DMBX1: variants seen among roughly 807,000 people sequenced by gnomAD.
DMBX1 encodes the protein diencephalon/mesencephalon homeobox 1, also known as diencephalon/mesencephalon homeobox protein 1.
In DMBX1, 7 loss-of-function variants were observed where a neutral mutation model predicts 30.4. That is an observed-to-expected ratio of 0.23 (90% CI 0.13 to 0.43). The LOEUF is 0.43. DMBX1 is among the 20% of genes least tolerant of loss of function. The pLI is 1.00. For missense variants in DMBX1, 460 were observed against 508.5 expected (o/e 0.90, Z 0.92); for synonymous variants, 222 against 214.2 (o/e 1.04, Z -0.32).
chr1:46,490,301 GGA>G (rs1471084466), intron 1 of DMBX1, among the ~76,000 whole-genome samples: 1 of 152,254 alleles, frequency 6.6e-6, no homozygotes, highest in East Asian at 1.9e-4. Context: ...AGGCACCCGC[GGA>G]GAACGCTTCG....
chr1:46,514,469 G>A lies in DMBX1; in HGVS notation c.*1975G>A, dbSNP rs1008731511. 6.6e-6 allele frequency among the ~76,000 whole-genome samples: 1 copy of A among 152,208 alleles called. No individual in the cohort carries two copies. The highest frequency in any genetic ancestry group is 2.4e-5 in the African/African-American group (1 of 41,462). On this transcript the variant is annotated 3_prime_UTR_variant, in exon 6 of 6. Coordinates refer to ENST00000360032, the MANE Select transcript of DMBX1 (RefSeq NM_172225.2). ...GGGTGTTGTACACACAAGCCTCACTGTAGACACTGCCTCAGTTTCCCCATA... is the reference window on the plus strand; with the variant it reads ...GGGTGTTGTACACACAAGCCTCACTATAGACACTGCCTCAGTTTCCCCATA...
In DMBX1 at chr1:46,510,374, C is replaced by T. The variant is rs1379033811; in HGVS notation, c.155-102C>T. 3 of 1,412,472 alleles carry T rather than the reference C, an allele frequency of 2.1e-6. No individual in the cohort carries two copies. Among genetic ancestry groups the T allele is most frequent in the Non-Finnish European group, 1.9e-6 (2 of 1,057,484 alleles). The allele number at this position is 1,412,472 out of a possible 1,614,324, so 87.5% of individuals were successfully genotyped here. ...GGACCAGGGCCAGCTCTGGCAGCAG[C>T]CTGGGTGTCCACAGTGGGTCAGAGC... On this transcript the variant is annotated intron_variant, in intron 3 of 5. Coordinates refer to ENST00000360032, the MANE Select transcript of DMBX1 (RefSeq NM_172225.2). This position sits in a 1 kb window ranked among gnomAD's most constrained non-coding sequence, Gnocchi z 4.1.
At chr1:46,490,251 G>C (rs1478190255) in intron 1 of DMBX1, among the ~76,000 whole-genome samples, 1 of 152,228 alleles carries the variant, frequency 6.6e-6, no homozygotes, top group Non-Finnish European at 1.5e-5. Flanking sequence ...GGGTAGAAAC[G>C]CGCCGAGGCG....
intron 2 of DMBX1, among the ~76,000 whole-genome samples, chr1:46,499,016 C>A (rs1666074089): frequency 6.6e-6 from 1 of 152,028 alleles, no homozygotes; most frequent in Non-Finnish European, 1.5e-5. Flanking sequence ...AACATGCATA[C>A]CAGAGGGAAT....
At chr1:46,507,760 A>G (rs1055090355) in intron 3 of DMBX1, among the ~76,000 whole-genome samples, 7 of 152,162 alleles carry the variant, frequency 4.6e-5, no homozygotes, top group African/African-American at 1.7e-4. Context: ...TGAGCTTTGG[A>G]GTCCTAGACT....
chr1:46,511,834 C>T (rs1470553588), intron 5 of DMBX1, among the ~76,000 whole-genome samples: 2 of 152,166 alleles, frequency 1.3e-5, no homozygotes, highest in Non-Finnish European at 2.9e-5. Flanking sequence ...GGCAGGGTCC[C>T]TGGAGCTTTC....
chr1:46,501,365 C>A (rs538758170), intron 2 of DMBX1, among the ~76,000 whole-genome samples: 2 of 151,786 alleles, frequency 1.3e-5, no homozygotes, highest in South Asian at 4.2e-4. Context: ...ACTGCAACCT[C>A]CACCTTCCGG....
intron 2 of DMBX1, among the ~76,000 whole-genome samples, chr1:46,505,263 G>T (rs1160229410): frequency 4.8e-5 from 7 of 144,514 alleles, no homozygotes; most frequent in Admixed American, 1.4e-4. Context: ...TATACCCAAA[G>T]GACTATAAAT....
Position 46,512,570 on chromosome 1 carries a change from A to G in DMBX1, c.*76A>G, listed in dbSNP as rs1666405795. ...TGTGGTTATCCCTAGGTGGCTCTCG[A>G]GGAGTTAACTCCATGAGCCCAGGGA... On this transcript the variant is annotated 3_prime_UTR_variant, in exon 6 of 6. Coordinates refer to ENST00000360032, the MANE Select transcript of DMBX1 (RefSeq NM_172225.2). The surrounding 1 kb of genome is among the most constrained non-coding windows in gnomAD (Gnocchi z 4.8). 1 of 1,478,222 alleles carries G rather than the reference A, an allele frequency of 6.8e-7. No homozygotes were observed. Among genetic ancestry groups the G allele is most frequent in the Non-Finnish European group, 9.1e-7 (1 of 1,097,552 alleles). 91.6% of individuals were successfully genotyped at this position (1,478,222 alleles called of 1,614,324 possible).
intron 3 of DMBX1, among the ~76,000 whole-genome samples, chr1:46,508,860 G>C (rs1666293388): frequency 7.2e-6 from 1 of 138,744 alleles, no homozygotes; most frequent in Admixed American, 7.8e-5. Context: ...GCCAGCAGTA[G>C]GATGCTGAGC....
Position 46,512,813 on chromosome 1 carries a change from C to A in DMBX1, c.*319C>A. 2.7e-6 allele frequency: 1 copy of A among 364,734 alleles called. No homozygotes were observed. Among genetic ancestry groups the A allele is most frequent in the Non-Finnish European group, 5.0e-6 (1 of 201,746 alleles). 22.6% of individuals were successfully genotyped at this position (364,734 alleles called of 1,614,324 possible). A position where few individuals can be genotyped will look rare whatever the true frequency, so the allele number is the denominator to read the frequency against. On this transcript the variant is annotated 3_prime_UTR_variant, in exon 6 of 6. Transcript: ENST00000360032. This position sits in a 1 kb window ranked among gnomAD's most constrained non-coding sequence, Gnocchi z 4.8. The stretch of plus-strand genomic sequence containing the variant: ...CAATAGCACCTCCTCCCTTTTCTCC[C>A]TATCCTTCTGCCCCCTAGTAAGTCT...
At chr1:46,492,865 G>A (rs1407500107) in intron 2 of DMBX1, among the ~76,000 whole-genome samples, 1 of 152,118 alleles carries the variant, frequency 6.6e-6, no homozygotes, top group Non-Finnish European at 1.5e-5. Context: ...AGACACTCAT[G>A]CTCAACACAT....
chr1:46,514,212 CAAA>C lies in DMBX1; in HGVS notation c.*1732_*1734del, dbSNP rs35003663. ...TGGGCGACGGAGTGAGACTCCATCT[CAAA>C]AAAAAAAAAAAAATAAATAAAAGCT... On this transcript the variant is annotated 3_prime_UTR_variant, in exon 6 of 6. Coordinates refer to ENST00000360032, the MANE Select transcript of DMBX1 (RefSeq NM_172225.2). 2.1e-5 allele frequency: 2 copies of C among 96,608 alleles called. No homozygotes were observed. Among genetic ancestry groups the C allele is most frequent in the Non-Finnish European group, 2.1e-5 (1 of 46,760 alleles). The allele number at this position is 96,608 out of a possible 1,614,324, so 6.0% of individuals were successfully genotyped here. A position where few individuals can be genotyped will look rare whatever the true frequency, so the allele number is the denominator to read the frequency against.
chr1:46,507,156 G>T lies in DMBX1; in HGVS notation c.146G>T (p.Arg49Leu), dbSNP rs749749952. ...PSVHALTLAE[R>L]LADIILEARY... Reference sequence around the variant, plus strand: ...GTGCATGCGCTTACATTGGCTGAGCGCCTGGCTGGTAAGGGCCCTGGGGAT... The same window carrying T: ...GTGCATGCGCTTACATTGGCTGAGCTCCTGGCTGGTAAGGGCCCTGGGGAT... The change falls in exon 3 of 6, where the codon CGC becomes CTC. Residue 49 changes from arginine (R) to leucine (L), a missense_variant. Around this residue, in one of 3 missense-constraint regions of DMBX1, gnomAD observed 124 missense variants for 144.0 expected, o/e 0.86. Transcript: ENST00000360032. The T allele has an allele frequency of 6.2e-7, 1 of 1,614,150 alleles. No homozygotes were observed. Among genetic ancestry groups the T allele is most frequent in the East Asian group, 2.2e-5 (1 of 44,868 alleles).
At position 46,512,423 on chromosome 1, in the gene DMBX1, A is replaced by G; in HGVS notation, c.1063A>G (p.Ser355Gly). ...AGCTACCCTGAACAGTAAAACCACA[A>G]GCATCGAGAACCTGCGGCTCCGGGC... ...ASATLNSKTTSIENLRLRAKQ... is the reference protein window; with the variant it reads ...ASATLNSKTTGIENLRLRAKQ... Residue 355 changes from serine (S) to glycine (G), a missense_variant, in exon 6 of 6, where the codon AGC (serine) becomes GGC (glycine). Transcript: ENST00000360032. This position sits in a 1 kb window ranked among gnomAD's most constrained non-coding sequence, Gnocchi z 4.8. 6.2e-7 allele frequency: 1 copy of G among 1,613,876 alleles called. No homozygotes were observed. The highest frequency in any genetic ancestry group is 8.5e-7 in the Non-Finnish European group (1 of 1,179,980).
intron 3 of DMBX1, among the ~76,000 whole-genome samples, chr1:46,509,595 C>A (rs571053971): frequency 1.3e-5 from 2 of 152,138 alleles, no homozygotes; most frequent in Admixed American, 6.5e-5. Flanking sequence ...GGAGGCTAGA[C>A]CTCGGCCCTA....
chr1:46,498,657 AC>A (rs1342110865), intron 2 of DMBX1, among the ~76,000 whole-genome samples: 1 of 152,242 alleles, frequency 6.6e-6, no homozygotes, highest in Non-Finnish European at 1.5e-5. Context: ...AGGCATGTAC[AC>A]CCACCAAGAC....
intron 2 of DMBX1, among the ~76,000 whole-genome samples, chr1:46,501,258 CTTTCTTTCTTTCTCTT>C: frequency 7.6e-6 from 1 of 131,532 alleles, no homozygotes; most frequent in African/African-American, 3.0e-5. Context: ...TTCTTTCTTT[CTTTCTTTCTTTCTCTT>C]CTTTCTTTCT....
chr1:46,510,437 G>T lies in DMBX1; in HGVS notation c.155-39G>T, dbSNP rs756420639. The T allele has an allele frequency of 1.2e-6, 2 of 1,600,638 alleles. No homozygotes were observed. On this transcript the variant is annotated intron_variant, in intron 3 of 5. Coordinates refer to ENST00000360032, the MANE Select transcript of DMBX1 (RefSeq NM_172225.2). This position sits in a 1 kb window ranked among gnomAD's most constrained non-coding sequence, Gnocchi z 4.1. ...AAAGCTATTTCCCATAATTAAATGG[G>T]CCCCCTCTCCTTGCCCTCCAACGGC...
Sources: allele counts gnomAD v4.1 joint callset (sites outside exome capture counted in the v4.1 genomes callset), GRCh38; gene constraint gnomAD v4.1.1; regional missense constraint gnomAD v4.1.1; non-coding constraint Gnocchi (gnomAD v3.1); transcripts MANE v1.5; gene names NCBI Gene and HGNC (gene_info 2026-07-23, HGNC 2026-07-21).